APP: variants seen among roughly 807,000 people sequenced by gnomAD.
The protein encoded by APP is amyloid beta precursor protein.
A neutral mutation model predicts 101.4 loss-of-function variants in APP; 31 were observed. The observed-to-expected ratio is 0.31, with a 90% CI of 0.23 to 0.41. The LOEUF is 0.41. Ranked by LOEUF, APP falls within the 10% of genes least tolerant of loss-of-function variation. The pLI is 1.00. For missense variants in APP, 839 were observed against 1,003.7 expected (o/e 0.84, Z 2.22); for synonymous variants, 366 against 364.4 (o/e 1.00, Z -0.05).
intron 11 of APP, among the ~76,000 whole-genome samples, chr21:25,970,809 CT>C (rs1322920904): frequency 1.3e-5 from 2 of 152,120 alleles, no homozygotes; most frequent in African/African-American, 4.8e-5. Context: ...TAAATAGTAT[CT>C]TACGTCTTGG....
intron 8 of APP, among the ~76,000 whole-genome samples, chr21:25,984,834 T>C (rs973171336): frequency 6.6e-6 from 1 of 151,444 alleles, no homozygotes; most frequent in Non-Finnish European, 1.5e-5. Flanking sequence ...AGGCAAACCA[T>C]ATTTTATGTT....
At chr21:25,926,865 TGTG>T (rs2039918164) in intron 13 of APP, among the ~76,000 whole-genome samples, 1 of 151,590 alleles carries the variant, frequency 6.6e-6, no homozygotes, top group Non-Finnish European at 1.5e-5. Flanking sequence ...ATTAGCCAGA[TGTG>T]GTGGTGGCAC....
At chr21:26,068,897 T>C (rs1172165788) in intron 3 of APP, among the ~76,000 whole-genome samples, 3 of 152,212 alleles carry the variant, frequency 2.0e-5, no homozygotes, top group African/African-American at 7.2e-5. Flanking sequence ...AGTCGCTTGC[T>C]GCATGCTTCC....
chr21:26,040,134 A>C lies in APP; in HGVS notation c.662+10866T>G, dbSNP rs547585885. 5.3e-5 allele frequency among the ~76,000 whole-genome samples: 8 copies of C among 152,210 alleles called. 1 individual carries two copies. In the South Asian group the frequency reaches 1.7e-3, roughly 32 times the overall value. ...GCAATTTTATACAACATTTTAAATA[A>C]TTTTTGTTTCAGAAAGGAAGTTTGT... is the stretch of plus-strand genomic sequence containing the variant. On this transcript the variant is annotated intron_variant, in intron 5 of 17. Coordinates refer to ENST00000346798, the MANE Select transcript of APP (RefSeq NM_000484.4).
intron 17 of APP, among the ~76,000 whole-genome samples, chr21:25,883,700 GTAAA>G (rs1416719741): frequency 1.3e-5 from 2 of 152,130 alleles, no homozygotes; most frequent in African/African-American, 2.4e-5. Context: ...CTCAAAAAAA[GTAAA>G]TAAATAAAAA....
chr21:25,956,566 T>C (rs1012000081), intron 11 of APP, among the ~76,000 whole-genome samples: 1 of 152,190 alleles, frequency 6.6e-6, no homozygotes, highest in Non-Finnish European at 1.5e-5. Flanking sequence ...ACATTTCTTC[T>C]TCATTAAAAC....
intron 13 of APP, among the ~76,000 whole-genome samples, chr21:25,930,780 T>A (rs2040113693): frequency 1.3e-5 from 2 of 152,218 alleles, no homozygotes; most frequent in Non-Finnish European, 2.9e-5. Flanking sequence ...TGCTTTCTGG[T>A]GAACAATTCT....
intron 11 of APP, among the ~76,000 whole-genome samples, chr21:25,965,697 C>T (rs886484045): frequency 6.6e-6 from 1 of 152,260 alleles, no homozygotes; most frequent in Non-Finnish European, 1.5e-5. Context: ...CGTGTGTATG[C>T]GTACATGTTT....
In APP at chr21:26,062,256, C is replaced by T. The variant is rs1317051663; in HGVS notation, c.356-8908G>A. Among the ~76,000 whole-genome samples the T allele has an allele frequency of 2.1e-5, 3 of 144,736 alleles. No individual in the cohort carries two copies. The East Asian group carries it at 6.0e-4, about 29-fold the overall frequency. 95.0% of individuals were successfully genotyped at this position (144,736 alleles called of 152,430 possible). ...ACACACACACACACACACACACACA[C>T]ACAGAATAGTGTTTAACCCAGGCTC... On this transcript the variant is annotated intron_variant, in intron 3 of 17. Coordinates refer to ENST00000346798, the MANE Select transcript of APP (RefSeq NM_000484.4).
chr21:26,170,420 A>T, intron 1 of APP, 144 bp downstream of exon 1: 1 of 873,182 alleles, frequency 1.1e-6, no homozygotes, highest in Non-Finnish European at 1.7e-6. Context: ...GATGCGCTGG[A>T]CGTCCGCAAG....
intron 1 of APP, chr21:26,140,035 C>T (rs2063006636): frequency 3.7e-6 from 3 of 802,336 alleles, no homozygotes; most frequent in Non-Finnish European, 6.0e-6. Flanking sequence ...AACTTCATCC[C>T]TACTTTGGTC....
intron 16 of APP, among the ~76,000 whole-genome samples, chr21:25,893,530 T>C (rs1239332623): frequency 6.6e-6 from 1 of 152,218 alleles, no homozygotes; most frequent in Non-Finnish European, 1.5e-5. Flanking sequence ...TTATTGCTGA[T>C]ACGGAGAAAA....
intron 11 of APP, among the ~76,000 whole-genome samples, chr21:25,965,371 C>T (rs1436888522): frequency 1.3e-5 from 2 of 152,220 alleles, no homozygotes; most frequent in African/African-American, 4.8e-5. Context: ...AGATTTACAG[C>T]AATCTGCTTT....
rs1312450445 is a variant in APP at position 25,901,315 on chromosome 21, A to C, written c.1964-3642T>G. On this transcript the variant is annotated intron_variant, in intron 15 of 17. Transcript: ENST00000346798. Reference sequence around the variant, plus strand: ...CTGTTTTAAAAAAAAAAAAAAAAAAAAAACAAAACCAAGAGCTCTCCACTA... The same window carrying C: ...CTGTTTTAAAAAAAAAAAAAAAAAACAAACAAAACCAAGAGCTCTCCACTA... 4.5e-5 allele frequency among the ~76,000 whole-genome samples: 5 copies of C among 109,958 alleles called. No homozygotes were observed. In the East Asian group the frequency reaches 1.1e-3, roughly 25 times the overall value. 72.1% of individuals were successfully genotyped at this position (109,958 alleles called of 152,430 possible).
At chr21:26,117,526 A>G (rs2062461401) in intron 1 of APP, among the ~76,000 whole-genome samples, 1 of 152,226 alleles carries the variant, frequency 6.6e-6, no homozygotes, top group Non-Finnish European at 1.5e-5. Context: ...AGAGGGAGGA[A>G]AGGGCACCAG....
intron 17 of APP, among the ~76,000 whole-genome samples, chr21:25,890,908 C>T (rs2037652814): frequency 1.3e-5 from 2 of 151,998 alleles, no homozygotes; most frequent in Admixed American, 1.3e-4. Context: ...TAAAATATCG[C>T]AATTAAATGT....
At chr21:25,982,082 C>G (rs115438786) in intron 9 of APP, among the ~76,000 whole-genome samples, 1 of 152,270 alleles carries the variant, frequency 6.6e-6, no homozygotes, top group East Asian at 1.9e-4. Context: ...TGCCAAGTAC[C>G]TTTCTTCGCC....
At chr21:26,114,502 G>A (rs1247352710) in intron 1 of APP, among the ~76,000 whole-genome samples, 1 of 152,192 alleles carries the variant, frequency 6.6e-6, no homozygotes, top group Non-Finnish European at 1.5e-5. Flanking sequence ...AAAGGTCACT[G>A]AAGGGCATGA....
chr21:25,978,724 C>A (rs973259211), intron 9 of APP, among the ~76,000 whole-genome samples: 1 of 152,150 alleles, frequency 6.6e-6, no homozygotes, highest in Non-Finnish European at 1.5e-5. Flanking sequence ...GAGGCCCAGG[C>A]GGGTGGATCA....
Sources: allele counts gnomAD v4.1 joint callset (sites outside exome capture counted in the v4.1 genomes callset), GRCh38; gene constraint gnomAD v4.1.1; transcripts MANE v1.5; gene names NCBI Gene and HGNC (gene_info 2026-07-23, HGNC 2026-07-21).